IGSF11: variants seen among roughly 807,000 people sequenced by gnomAD.
IGSF11 encodes immunoglobulin superfamily member 11.
Under a neutral mutation model 41.0 loss-of-function variants are expected in IGSF11, and 22 were observed. That is an observed-to-expected ratio of 0.54 (90% CI 0.38 to 0.77). The LOEUF (loss-of-function observed/expected upper bound fraction) is 0.77. Ranked by LOEUF, IGSF11 falls within the 30% of genes least tolerant of loss-of-function variation. The pLI is 0.00. For missense variants in IGSF11, 444 were observed against 530.8 expected, an observed-to-expected ratio of 0.84 and a Z score of 1.61; for synonymous variants, 219 against 201.3, an observed-to-expected ratio of 1.09 and a Z score of -0.74.
At chr3:119,117,617 A>G (rs114042406) in intron 1 of IGSF11, among the ~76,000 whole-genome samples, 3,169 of 152,192 alleles carry the variant, frequency 0.021, 132 homozygotes, top group African/African-American at 0.073. Context: ...GGTCCCTCCA[A>G]AATCGCATGT....
chr3:119,026,339 T>A (rs1285952773), intron 1 of IGSF11, among the ~76,000 whole-genome samples: 2 of 152,140 alleles, frequency 1.3e-5, no homozygotes, highest in Admixed American at 1.3e-4. Context: ...AAAAAGAGAA[T>A]CTAACATTCT....
At position 119,129,992 on chromosome 3, in the gene IGSF11, A is replaced by T. The variant is rs545091980; in HGVS notation, c.-14+15821T>A. On this transcript the variant is annotated intron_variant, in intron 1 of 7. Transcript: ENST00000425327. Reference sequence around the variant, plus strand: ...AGACCAAGACTCTGTCTTAAAAAAAATTTTTTTTAATTAAAAAAATTAAAG... The same window carrying T: ...AGACCAAGACTCTGTCTTAAAAAAATTTTTTTTTAATTAAAAAAATTAAAG... 9.7e-4 allele frequency among the ~76,000 whole-genome samples: 148 copies of T among 152,202 alleles called. 1 individual carries two copies. The highest frequency in any genetic ancestry group is 2.7e-3 in the African/African-American group (112 of 41,542).
chr3:119,131,003 A>G (rs942832556), intron 1 of IGSF11, among the ~76,000 whole-genome samples: 16 of 152,190 alleles, frequency 1.1e-4, no homozygotes, highest in African/African-American at 3.9e-4. Context: ...GAATAGAATC[A>G]ACATCAACAA....
chr3:119,132,615 T>A (rs1428623123), intron 1 of IGSF11, among the ~76,000 whole-genome samples: 1 of 151,998 alleles, frequency 6.6e-6, no homozygotes, highest in South Asian at 2.1e-4. Flanking sequence ...TCCCGCATAA[T>A]AATAATGGGA....
At chr3:118,909,354 C>G (rs913627242) in intron 4 of IGSF11, among the ~76,000 whole-genome samples, 2 of 151,928 alleles carry the variant, frequency 1.3e-5, no homozygotes, top group South Asian at 2.1e-4. Context: ...TATGTTACAT[C>G]AAAATTATAT....
At chr3:119,127,019 G>A (rs146708387) in intron 1 of IGSF11, among the ~76,000 whole-genome samples, 3 of 152,232 alleles carry the variant, frequency 2.0e-5, no homozygotes, top group Middle Eastern at 3.4e-3. Context: ...AGAACTGGAT[G>A]GAGGATCAGA....
chr3:119,022,971 A>G (rs1375241934), intron 1 of IGSF11, among the ~76,000 whole-genome samples: 2 of 152,134 alleles, frequency 1.3e-5, no homozygotes, highest in African/African-American at 2.4e-5. Context: ...GAAAAAAAAA[A>G]ATGTCTTTGG....
At position 119,046,423 on chromosome 3, in the gene IGSF11, C is replaced by G. The variant is rs976057452; in HGVS notation, c.49+58721G>C. On this transcript the variant is annotated intron_variant, in intron 1 of 6. Transcript: ENST00000354673. ...TGGAAGATGAAATGAATGAAATGAA[C>G]CAAGAAGGAAAGTTTAGAGAAAAAA... 7.3e-5 allele frequency among the ~76,000 whole-genome samples: 11 copies of G among 151,392 alleles called. No homozygotes were observed. The South Asian group carries it at 1.0e-3, about 14-fold the overall frequency.
chr3:119,080,623 A>G (rs541271035), intron 1 of IGSF11, among the ~76,000 whole-genome samples: 34 of 152,322 alleles, frequency 2.2e-4, no homozygotes, highest in African/African-American at 8.2e-4. Flanking sequence ...TGAAGTTGAT[A>G]ATTTATTGAA....
chr3:119,057,703 C>A (rs531717885), intron 1 of IGSF11, among the ~76,000 whole-genome samples: 1 of 152,304 alleles, frequency 6.6e-6, no homozygotes, highest in South Asian at 2.1e-4. Flanking sequence ...GCAGGCATCA[C>A]GCTACCTGAC....
At chr3:118,975,317 T>C (rs4687962) in intron 1 of IGSF11, among the ~76,000 whole-genome samples, 12,807 of 150,170 alleles carry the variant, frequency 0.085, 609 homozygotes, top group Middle Eastern at 0.14. Context: ...TCATTTCATA[T>C]AGATTTTACC....
At chr3:118,912,676 T>TATC (rs1940482853) in intron 4 of IGSF11, among the ~76,000 whole-genome samples, 1 of 152,182 alleles carries the variant, frequency 6.6e-6, no homozygotes, top group South Asian at 2.1e-4. Flanking sequence ...AGGAAAGGAA[T>TATC]ATCACCATGA....
chr3:118,946,965 CA>C (rs2053416301), intron 1 of IGSF11: 1 of 152,200 alleles, frequency 6.6e-6, no homozygotes, highest in Non-Finnish European at 1.5e-5. Flanking sequence ...TAAGGTACTA[CA>C]ACTGCTTAAA....
intron 1 of IGSF11, among the ~76,000 whole-genome samples, chr3:119,114,540 A>G (rs1466774660): frequency 6.6e-6 from 1 of 152,210 alleles, no homozygotes; most frequent in Non-Finnish European, 1.5e-5. Flanking sequence ...GATCTTTGCT[A>G]CAGTTCCCAA....
chr3:119,120,103 A>G (rs574199097), intron 1 of IGSF11, among the ~76,000 whole-genome samples: 1 of 152,222 alleles, frequency 6.6e-6, no homozygotes, highest in Admixed American at 6.5e-5. Context: ...GGAATAAAGC[A>G]GTCTTAAAGT....
intron 4 of IGSF11, among the ~76,000 whole-genome samples, chr3:118,921,504 T>C (rs1941795641): frequency 6.6e-6 from 1 of 152,128 alleles, no homozygotes; most frequent in South Asian, 2.1e-4. Context: ...ATTTAAATAT[T>C]AATATTTAGT....
intron 4 of IGSF11, among the ~76,000 whole-genome samples, chr3:118,920,391 C>T (rs1343117233): frequency 4.0e-5 from 6 of 151,382 alleles, no homozygotes; most frequent in African/African-American, 1.5e-4. Context: ...AAATATTAGA[C>T]ATTGAACCAT....
rs1308549146 is a variant in IGSF11 at position 118,983,340 on chromosome 3, G to A, written c.52+51191C>T. The A allele has an allele frequency of 2.6e-5, 4 of 152,122 alleles. No individual in the cohort carries two copies. In the East Asian group the frequency reaches 7.7e-4, roughly 29 times the overall value. The allele number at this position is 152,122 out of a possible 1,614,324, so 9.4% of individuals were successfully genotyped here. ...GTAACTTACCTAAGTGTGTAAGTGG[G>A]CTAGCTGAGATTCAAATCTAAGAAG... is the stretch of plus-strand genomic sequence containing the variant. On this transcript the variant is annotated intron_variant, in intron 1 of 6. Transcript: ENST00000393775.
intron 1 of IGSF11, among the ~76,000 whole-genome samples, chr3:118,960,867 A>G (rs1945292951): frequency 6.6e-6 from 1 of 152,236 alleles, no homozygotes; most frequent in South Asian, 2.1e-4. Flanking sequence ...AGTTGATTTA[A>G]TCATCCTTGG....
Sources: gnomAD v4.1 joint callset for allele counts (sites outside exome capture counted in the v4.1 genomes callset) on GRCh38, gnomAD v4.1.1 for gene constraint, MANE v1.5 for transcripts, NCBI Gene and HGNC (gene_info 2026-07-23, HGNC 2026-07-21) for gene names.